The following MYO18B variants were observed in gnomAD, a reference collection of about 807,000 sequenced individuals.
MYO18B encodes unconventional myosin-XVIIIb.
In MYO18B, 204 loss-of-function variants were observed where a neutral mutation model predicts 273.0. The ratio of observed to expected loss-of-function variants is 0.75; its 90% CI spans 0.67 to 0.84. The LOEUF (loss-of-function observed/expected upper bound fraction) is 0.84. Ranked by LOEUF, MYO18B falls within the 40% of genes least tolerant of loss-of-function variation. The pLI, the probability that MYO18B is intolerant of heterozygous loss-of-function variation, is 0.00. For synonymous variants in MYO18B, 1,330 were observed against 1,305.7 expected, an observed-to-expected ratio of 1.02 and a Z score of -0.40; for missense variants, 3,212 against 3,287.6, an observed-to-expected ratio of 0.98 and a Z score of 0.56.
intron 1 of MYO18B, among the ~76,000 whole-genome samples, chr22:25,752,457 G>T (rs2085961590): frequency 6.6e-6 from 1 of 151,802 alleles, no homozygotes; most frequent in Non-Finnish European, 1.5e-5. Flanking sequence ...AAAGTGCTGG[G>T]ATTACAGGCG....
intron 39 of MYO18B, among the ~76,000 whole-genome samples, chr22:25,967,920 G>A (rs939535740): frequency 4.6e-5 from 7 of 152,016 alleles, no homozygotes; most frequent in African/African-American, 1.7e-4. Flanking sequence ...GGCCATTGTG[G>A]GATTATTTAC....
chr22:25,882,916 A>G (rs2091385532), intron 25 of MYO18B, among the ~76,000 whole-genome samples: 1 of 151,948 alleles, frequency 6.6e-6, no homozygotes, highest in South Asian at 2.1e-4. Context: ...TTATTTTTTG[A>G]GACAGAATCT....
At chr22:26,025,882 T>C (rs1333495187) in intron 42 of MYO18B, among the ~76,000 whole-genome samples, 1 of 152,206 alleles carries the variant, frequency 6.6e-6, no homozygotes, top group East Asian at 1.9e-4. Context: ...TGTATAGTCT[T>C]GGTTTTAAGT....
intron 39 of MYO18B, among the ~76,000 whole-genome samples, chr22:25,975,274 GAGTGGCCA>G (rs2093076869): frequency 1.3e-5 from 2 of 152,206 alleles, no homozygotes; most frequent in Admixed American, 1.3e-4. Flanking sequence ...AATGGACCAT[GAGTGGCCA>G]AGTGGCTGAT....
intron 1 of MYO18B, among the ~76,000 whole-genome samples, chr22:25,754,545 G>A (rs1159442228): frequency 6.6e-6 from 1 of 152,132 alleles, no homozygotes; most frequent in Non-Finnish European, 1.5e-5. Flanking sequence ...CTGGCTTTGG[G>A]GTTGCGTTTT....
At chr22:25,967,994 A>G (rs1271716899) in intron 39 of MYO18B, among the ~76,000 whole-genome samples, 1 of 152,180 alleles carries the variant, frequency 6.6e-6, no homozygotes, top group African/African-American at 2.4e-5. Context: ...TTGAACATTT[A>G]CCAGCACACC....
intron 19 of MYO18B, 72 bp downstream of exon 19, chr22:25,846,355 A>C: frequency 6.6e-7 from 1 of 1,516,122 alleles, no homozygotes; most frequent in Non-Finnish European, 9.0e-7. Context: ...GGGCTGAGTC[A>C]TGTGCCTACA....
chr22:25,849,864 C>G (rs772346686), intron 20 of MYO18B, among the ~76,000 whole-genome samples: 13 of 152,162 alleles, frequency 8.5e-5, no homozygotes, highest in Admixed American at 2.0e-4. Context: ...TACCCATTAG[C>G]CACTTTTACT....
intron 41 of MYO18B, among the ~76,000 whole-genome samples, chr22:26,004,279 A>C (rs1441905813): frequency 6.6e-6 from 1 of 152,154 alleles, no homozygotes; most frequent in Non-Finnish European, 1.5e-5. Flanking sequence ...CCCTGTTTTA[A>C]AGATGATCCA....
intron 40 of MYO18B, among the ~76,000 whole-genome samples, chr22:25,993,306 T>G (rs530253567): frequency 6.6e-6 from 1 of 152,176 alleles, no homozygotes; most frequent in Non-Finnish European, 1.5e-5. Flanking sequence ...CACAGCTGCC[T>G]GTCTTGCCAC....
intron 18 of MYO18B, among the ~76,000 whole-genome samples, chr22:25,845,692 C>T (rs1367696458): frequency 2.0e-5 from 3 of 152,194 alleles, no homozygotes; most frequent in African/African-American, 4.8e-5. Flanking sequence ...CTGAGTCATT[C>T]CTTCTTGCAT....
intron 42 of MYO18B, among the ~76,000 whole-genome samples, chr22:26,005,183 AAT>A (rs934929757): frequency 1.2e-4 from 19 of 152,254 alleles, no homozygotes; most frequent in Non-Finnish European, 2.2e-4. Flanking sequence ...CATTTTAAAA[AAT>A]AGTAATAGTT....
intron 17 of MYO18B, among the ~76,000 whole-genome samples, chr22:25,839,118 GTA>G (rs1366623609): frequency 7.1e-6 from 1 of 140,092 alleles, no homozygotes; most frequent in Non-Finnish European, 1.6e-5. Context: ...GTGTATATAT[GTA>G]TGAGTGTTTG....
At chr22:25,948,520 CTTT>C (rs752639058) in intron 36 of MYO18B, among the ~76,000 whole-genome samples, 23 of 83,860 alleles carry the variant, frequency 2.7e-4, no homozygotes, top group African/African-American at 9.8e-4. Context: ...CTCTTTCCTT[CTTT>C]CTTTCTTCCT....
intron 39 of MYO18B, among the ~76,000 whole-genome samples, chr22:25,957,860 C>T (rs73414063): frequency 0.014 from 2,084 of 151,314 alleles, 44 homozygotes; most frequent in African/African-American, 0.048. Context: ...TCTAAATCCA[C>T]GTTGATCTCA....
chr22:25,874,887 C>T (rs142089249), intron 23 of MYO18B, among the ~76,000 whole-genome samples: 1 of 152,296 alleles, frequency 6.6e-6, no homozygotes, highest in East Asian at 1.9e-4. Context: ...TATATATGTT[C>T]GAATTCCACC....
chr22:25,948,407 T>TTTCCTTCCTTCCTTCC (rs59622689), intron 36 of MYO18B, among the ~76,000 whole-genome samples: 12 of 118,056 alleles, frequency 1.0e-4, no homozygotes, highest in East Asian at 5.3e-4. Flanking sequence ...TTTTCCTGTC[T>TTTCCTTCCTTCCTTCC]TTCCTTCCTT....
intron 37 of MYO18B, among the ~76,000 whole-genome samples, chr22:25,951,924 G>T (rs1337520057): frequency 1.3e-5 from 2 of 152,204 alleles, no homozygotes; most frequent in East Asian, 1.9e-4. Flanking sequence ...ACCCACACTT[G>T]CTTGTATCTT....
intron 34 of MYO18B, among the ~76,000 whole-genome samples, chr22:25,930,175 C>G (rs938803616): frequency 6.6e-6 from 1 of 152,174 alleles, no homozygotes; most frequent in Non-Finnish European, 1.5e-5. Context: ...TGGGTGTCCT[C>G]TCTTGGAGCC....
Sources: allele counts gnomAD v4.1 joint callset (sites outside exome capture counted in the v4.1 genomes callset), GRCh38; gene constraint gnomAD v4.1.1; transcripts MANE v1.5; gene names NCBI Gene and HGNC (gene_info 2026-07-23, HGNC 2026-07-21).